SGK3: variants seen among roughly 807,000 people sequenced by gnomAD.
SGK3 encodes the protein serine/threonine-protein kinase Sgk3.
SGK3 carries 47 observed loss-of-function variants against 68.5 expected under a neutral mutation model. The observed-to-expected ratio is 0.69, with a 90% CI of 0.54 to 0.87. The LOEUF (loss-of-function observed/expected upper bound fraction) is 0.87, where lower values mean the gene tolerates loss of function less well. Ranked by LOEUF, SGK3 falls within the 40% of genes least tolerant of loss-of-function variation. The pLI is 0.00. For missense variants in SGK3, 479 were observed against 575.5 expected (o/e 0.83, Z 1.72); for synonymous variants, 181 against 189.1 (o/e 0.96, Z 0.35).
intron 1 of SGK3, among the ~76,000 whole-genome samples, chr8:66,782,790 T>A (rs1425975981): frequency 6.6e-6 from 1 of 152,236 alleles, no homozygotes; most frequent in Non-Finnish European, 1.5e-5. Flanking sequence ...TTTCTCCATG[T>A]CTTGTTATGG....
chr8:66,804,575 C>T (rs189156724), intron 4 of SGK3, 128 bp downstream of exon 4: 100 of 947,324 alleles, frequency 1.1e-4, no homozygotes, highest in Admixed American at 2.7e-4. Context: ...AAAATAATGC[C>T]GCAGGAAGGT....
At chr8:66,720,695 G>A (rs1309995508) in intron 1 of SGK3, among the ~76,000 whole-genome samples, 4 of 151,784 alleles carry the variant, frequency 2.6e-5, no homozygotes, top group Non-Finnish European at 4.4e-5. Flanking sequence ...GCTTGAACCC[G>A]GGAGGTGGAG....
At chr8:66,744,530 T>TGTTGTTG (rs1563605813) in intron 1 of SGK3, among the ~76,000 whole-genome samples, 11 of 119,304 alleles carry the variant, frequency 9.2e-5, no homozygotes, top group African/African-American at 3.4e-4. Flanking sequence ...TTTTTTTTTT[T>TGTTGTTG]TTTTTTTTTT....
chr8:66,716,792 T>A (rs1563591883), intron 1 of SGK3, among the ~76,000 whole-genome samples: 1 of 152,150 alleles, frequency 6.6e-6, no homozygotes, highest in Non-Finnish European at 1.5e-5. Context: ...TAGAAACATC[T>A]CTTGGCATGA....
At chr8:66,844,409 C>A (rs1398774470) in intron 14 of SGK3, among the ~76,000 whole-genome samples, 1 of 152,136 alleles carries the variant, frequency 6.6e-6, no homozygotes, top group African/African-American at 2.4e-5. Flanking sequence ...TTGCCCAGTT[C>A]TTATTTAGTT....
intron 1 of SGK3, among the ~76,000 whole-genome samples, chr8:66,768,920 T>C (rs1806412707): frequency 6.6e-6 from 1 of 152,142 alleles, no homozygotes; most frequent in Non-Finnish European, 1.5e-5. Flanking sequence ...TTACCTTTGT[T>C]CCTCCATATA....
At chr8:66,745,888 A>G (rs1051287133) in intron 1 of SGK3, among the ~76,000 whole-genome samples, 1 of 152,144 alleles carries the variant, frequency 6.6e-6, no homozygotes, top group South Asian at 2.1e-4. Context: ...CTCTCCTACA[A>G]GCCCTTTTTT....
intron 1 of SGK3, among the ~76,000 whole-genome samples, chr8:66,786,616 A>G (rs1807209308): frequency 6.6e-6 from 1 of 152,222 alleles, no homozygotes; most frequent in Non-Finnish European, 1.5e-5. Context: ...TGTTAGTTGC[A>G]TATTAACTTG....
intron 16 of SGK3, among the ~76,000 whole-genome samples, chr8:66,852,292 T>C (rs1355774821): frequency 6.9e-6 from 1 of 144,406 alleles, no homozygotes; most frequent in Non-Finnish European, 1.5e-5. Context: ...TTTTTTTTTT[T>C]TTTTTTTTGA....
intron 10 of SGK3, 69 bp downstream of exon 10, chr8:66,836,143 G>T: frequency 1.9e-6 from 3 of 1,544,578 alleles, no homozygotes; most frequent in Non-Finnish European, 1.7e-6. Context: ...AGTTTTTCTT[G>T]TAAGTTTTAG....
intron 4 of SGK3, among the ~76,000 whole-genome samples, chr8:66,805,599 C>G (rs1380357043): frequency 6.6e-6 from 1 of 151,914 alleles, no homozygotes; most frequent in African/African-American, 2.4e-5. Flanking sequence ...GTCTCAGCAT[C>G]TAGCACCTCT....
intron 5 of SGK3, 64 bp downstream of exon 5, chr8:66,813,992 C>G: frequency 7.4e-7 from 1 of 1,343,630 alleles, no homozygotes; most frequent in Non-Finnish European, 9.9e-7. Flanking sequence ...CTGAATAATC[C>G]TTATATAAAT....
At chr8:66,782,471 A>G (rs954211113) in intron 1 of SGK3, among the ~76,000 whole-genome samples, 2 of 152,112 alleles carry the variant, frequency 1.3e-5, no homozygotes, top group Non-Finnish European at 2.9e-5. Context: ...CGGTGAACCT[A>G]TGTTAACACA....
intron 15 of SGK3, among the ~76,000 whole-genome samples, chr8:66,848,003 C>G (rs1489827524): frequency 1.3e-5 from 2 of 151,370 alleles, no homozygotes; most frequent in Non-Finnish European, 2.9e-5. Context: ...AGTAAATGCA[C>G]AAAAATATTG....
intron 1 of SGK3, among the ~76,000 whole-genome samples, chr8:66,721,457 T>C (rs1052860478): frequency 2.0e-5 from 3 of 152,192 alleles, no homozygotes; most frequent in African/African-American, 7.2e-5. Context: ...ATACTAATCA[T>C]GGTAATACAT....
chr8:66,755,539 C>T (rs897817655), intron 1 of SGK3, among the ~76,000 whole-genome samples: 2 of 152,150 alleles, frequency 1.3e-5, no homozygotes, highest in African/African-American at 4.8e-5. Flanking sequence ...AGCCTGTACA[C>T]CTCTTCCAGA....
chr8:66,804,544 T>A, intron 4 of SGK3, 97 bp downstream of exon 4: 1 of 1,242,712 alleles, frequency 8.0e-7, no homozygotes, highest in Non-Finnish European at 1.1e-6. Context: ...TGCAGGACTT[T>A]AAAAGATCTT....
chr8:66,784,664 C>CAA (rs149140470), intron 1 of SGK3, among the ~76,000 whole-genome samples: 1 of 150,778 alleles, frequency 6.6e-6, no homozygotes, highest in Non-Finnish European at 1.5e-5. Flanking sequence ...ATATAATAGA[C>CAA]AAAAAAAATG....
At chr8:66,723,102 TATATATATATATATATATATATATATATA>T (rs1804851322) in intron 1 of SGK3, among the ~76,000 whole-genome samples, 2 of 30,498 alleles carry the variant, frequency 6.6e-5, no homozygotes, top group African/African-American at 3.5e-4. Flanking sequence ...TATATATATA[TATATATATATATATATATATATATATATA>T]TTTTTTTTTT....
Sources: allele counts gnomAD v4.1 joint callset (sites outside exome capture counted in the v4.1 genomes callset), GRCh38; gene constraint gnomAD v4.1.1; transcripts MANE v1.5; gene names NCBI Gene and HGNC (gene_info 2026-07-23, HGNC 2026-07-21).